The following LSAMP variants were observed in gnomAD, a reference collection of about 807,000 sequenced individuals.
LSAMP encodes the protein limbic system associated membrane protein.
LSAMP carries 7 observed loss-of-function variants against 38.6 expected under a neutral mutation model. That is an observed-to-expected ratio of 0.18 (90% CI 0.10 to 0.34). The LOEUF (loss-of-function observed/expected upper bound fraction) is 0.34, where lower values mean the gene tolerates loss of function less well. LSAMP is among the 10% of genes least tolerant of loss of function. The pLI, the probability that LSAMP is intolerant of heterozygous loss-of-function variation, is 1.00. For missense variants in LSAMP, 313 were observed against 420.0 expected (o/e 0.75, Z 2.23); for synonymous variants, 154 against 166.8 (o/e 0.92, Z 0.59).
rs1941090380 is a variant in LSAMP at position 116,038,235 on chromosome 3, C to A, written c.389-18595G>T. Among the ~76,000 whole-genome samples the A allele has an allele frequency of 4.6e-5, 7 of 152,116 alleles. 1 individual carries two copies. In the South Asian group the frequency reaches 1.5e-3, roughly 32 times the overall value. Reference sequence around the variant, plus strand: ...GGGAAAATTAACTTATAGGCCTTTACAAATTTTAAATAAAATAATGCGTGT... The same window carrying A: ...GGGAAAATTAACTTATAGGCCTTTAAAAATTTTAAATAAAATAATGCGTGT... On this transcript the variant is annotated intron_variant, in intron 2 of 6. Coordinates refer to ENST00000490035, the MANE Select transcript of LSAMP (RefSeq NM_002338.5).
intron 1 of LSAMP, among the ~76,000 whole-genome samples, chr3:116,235,568 A>C (rs540186288): frequency 6.6e-6 from 1 of 152,362 alleles, no homozygotes; most frequent in African/African-American, 2.4e-5. Flanking sequence ...AAACTGTTTT[A>C]TCAGTGAAAG....
chr3:115,883,058 G>A (rs895840590), intron 3 of LSAMP, among the ~76,000 whole-genome samples: 2 of 152,036 alleles, frequency 1.3e-5, no homozygotes, highest in Non-Finnish European at 2.9e-5. Context: ...GAAGCAGATA[G>A]ATTGAAGGAG....
chr3:116,381,317 G>A lies in LSAMP; in HGVS notation c.155+63560C>T, dbSNP rs140295221. ...GAACTATGTATTTGTGCATATACAC[G>A]TATGTATTTGTGTGTATTATAATGT... On this transcript the variant is annotated intron_variant, in intron 1 of 6. Coordinates refer to ENST00000490035, the MANE Select transcript of LSAMP (RefSeq NM_002338.5). Among the ~76,000 whole-genome samples the A allele has an allele frequency of 4.7e-4, 71 of 152,100 alleles. 3 individuals carry two copies. In the East Asian group the frequency reaches 7.7e-3, roughly 17 times the overall value.
chr3:116,304,446 C>T lies in LSAMP; in HGVS notation c.155+140431G>A, dbSNP rs560313480. 2.7e-4 allele frequency among the ~76,000 whole-genome samples: 41 copies of T among 152,172 alleles called. 1 individual carries two copies. Among genetic ancestry groups the T allele is most frequent in the Admixed American group, 7.9e-4 (12 of 15,276 alleles). ...CTACAGGGAAAACCTTTTGAAACAACATGGTGGCTACGAGGAAACATGTGA... is the reference window on the plus strand; with the variant it reads ...CTACAGGGAAAACCTTTTGAAACAATATGGTGGCTACGAGGAAACATGTGA... On this transcript the variant is annotated intron_variant, in intron 1 of 6. Transcript: ENST00000490035.
At chr3:116,418,350 C>G (rs2049077892) in intron 1 of LSAMP, among the ~76,000 whole-genome samples, 1 of 152,122 alleles carries the variant, frequency 6.6e-6, no homozygotes, top group African/African-American at 2.4e-5. Flanking sequence ...GTCATCTTTC[C>G]CACACCAAAA....
At chr3:115,967,593 A>T (rs906327121) in intron 3 of LSAMP, among the ~76,000 whole-genome samples, 1 of 152,152 alleles carries the variant, frequency 6.6e-6, no homozygotes, top group Non-Finnish European at 1.5e-5. Context: ...ACTGCTGATA[A>T]AGACATGCTT....
intron 4 of LSAMP, among the ~76,000 whole-genome samples, chr3:115,851,634 A>G (rs1180191255): frequency 3.9e-5 from 6 of 152,192 alleles, no homozygotes; most frequent in East Asian, 1.9e-4. Context: ...CTGTGTGCCT[A>G]TATGTGTGTA....
chr3:116,128,045 T>C (rs1709046578), intron 1 of LSAMP, among the ~76,000 whole-genome samples: 1 of 152,160 alleles, frequency 6.6e-6, no homozygotes, highest in Admixed American at 6.5e-5. Flanking sequence ...TATTGGCTTG[T>C]TTTAATTTGA....
At chr3:116,318,750 C>T (rs2047668065) in intron 1 of LSAMP, among the ~76,000 whole-genome samples, 2 of 152,058 alleles carry the variant, frequency 1.3e-5, no homozygotes, top group Admixed American at 1.3e-4. Context: ...TAACCAAGGC[C>T]TCTTTAAGTA....
chr3:116,121,683 A>G (rs1708879263), intron 1 of LSAMP, among the ~76,000 whole-genome samples: 1 of 152,108 alleles, frequency 6.6e-6, no homozygotes, highest in Non-Finnish European at 1.5e-5. Context: ...AGATGACAAA[A>G]TTGGAGCACA....
chr3:115,963,319 G>T (rs1938690847), intron 3 of LSAMP, among the ~76,000 whole-genome samples: 1 of 152,182 alleles, frequency 6.6e-6, no homozygotes, highest in South Asian at 2.1e-4. Context: ...CCCCAAATTA[G>T]GGAATCCTTT....
At chr3:116,127,389 G>T (rs1376471115) in intron 1 of LSAMP, among the ~76,000 whole-genome samples, 2 of 152,154 alleles carry the variant, frequency 1.3e-5, no homozygotes. Context: ...CAAAGAGTAG[G>T]ATTCAACCAA....
intron 1 of LSAMP, among the ~76,000 whole-genome samples, chr3:116,380,878 A>G (rs1426865673): frequency 6.6e-6 from 1 of 152,036 alleles, no homozygotes; most frequent in Non-Finnish European, 1.5e-5. Flanking sequence ...TTGCTATACT[A>G]AACACAGCAT....
At chr3:116,055,556 A>C (rs1382725886) in intron 2 of LSAMP, among the ~76,000 whole-genome samples, 1 of 149,282 alleles carries the variant, frequency 6.7e-6, no homozygotes, top group Non-Finnish European at 1.5e-5. Context: ...CCTGCCTCAC[A>C]CAAAAATGAA....
At chr3:116,250,648 G>A (rs1402079971) in intron 1 of LSAMP, among the ~76,000 whole-genome samples, 1 of 151,110 alleles carries the variant, frequency 6.6e-6, no homozygotes, top group Non-Finnish European at 1.5e-5. Context: ...GATCACTTGA[G>A]CTCGAGAGTT....
At chr3:115,903,765 G>A (rs1394253831) in intron 3 of LSAMP, among the ~76,000 whole-genome samples, 1 of 152,122 alleles carries the variant, frequency 6.6e-6, no homozygotes, top group African/African-American at 2.4e-5. Context: ...GGTTTTAATA[G>A]GTTAGGCAAT....
chr3:115,835,116 T>C (rs989985508), intron 6 of LSAMP, among the ~76,000 whole-genome samples: 5 of 152,214 alleles, frequency 3.3e-5, no homozygotes, highest in African/African-American at 1.2e-4. Context: ...CTTAGGTTTT[T>C]ACTTTACATT....
At chr3:116,259,593 G>A (rs781134794) in intron 1 of LSAMP, among the ~76,000 whole-genome samples, 2 of 152,152 alleles carry the variant, frequency 1.3e-5, no homozygotes, top group Non-Finnish European at 2.9e-5. Flanking sequence ...AGAAGCCAAT[G>A]TAATAATGAT....
At chr3:116,306,957 T>G (rs2047492783) in intron 1 of LSAMP, among the ~76,000 whole-genome samples, 1 of 151,996 alleles carries the variant, frequency 6.6e-6, no homozygotes, top group Admixed American at 6.6e-5. Context: ...TACAACTCAT[T>G]GTCAATCTAA....
Sources: allele counts gnomAD v4.1 joint callset (sites outside exome capture counted in the v4.1 genomes callset), GRCh38; gene constraint gnomAD v4.1.1; transcripts MANE v1.5; gene names NCBI Gene and HGNC (gene_info 2026-07-23, HGNC 2026-07-21).